FAF1: variants seen among roughly 807,000 people sequenced by gnomAD.
FAF1 encodes the protein FAS-associated factor 1.
FAF1 carries 25 observed loss-of-function variants against 92.5 expected under a neutral mutation model. That is an observed-to-expected ratio of 0.27 (90% CI 0.20 to 0.38). The LOEUF is 0.38. FAF1 is among the 10% of genes least tolerant of loss of function. The pLI is 1.00. For synonymous variants in FAF1, 234 were observed against 273.2 expected (o/e 0.86, Z 1.42); for missense variants, 636 against 793.3 (o/e 0.80, Z 2.38).
At chr1:50,571,912 A>G (rs1241114730) in intron 12 of FAF1, among the ~76,000 whole-genome samples, 1 of 152,240 alleles carries the variant, frequency 6.6e-6, no homozygotes, top group African/African-American at 2.4e-5. Context: ...TGAGTACCAG[A>G]ATATCCATAA....
At chr1:50,604,135 T>G (rs1652269797) in intron 8 of FAF1, among the ~76,000 whole-genome samples, 1 of 152,166 alleles carries the variant, frequency 6.6e-6, no homozygotes, top group African/African-American at 2.4e-5. Flanking sequence ...GATACTAGAT[T>G]TGGAAGAGTC....
intron 4 of FAF1, among the ~76,000 whole-genome samples, chr1:50,756,730 C>G (rs949883555): frequency 1.3e-5 from 2 of 152,160 alleles, no homozygotes; most frequent in African/African-American, 4.8e-5. Flanking sequence ...TGCTGGAAGG[C>G]AAGGTGGAGC....
chr1:50,488,255 T>C (rs1242740999), intron 17 of FAF1, among the ~76,000 whole-genome samples: 1 of 152,214 alleles, frequency 6.6e-6, no homozygotes, highest in Non-Finnish European at 1.5e-5. Flanking sequence ...TGTTAACAGC[T>C]GGAATGCATA....
intron 2 of FAF1, among the ~76,000 whole-genome samples, chr1:50,836,116 C>T (rs1441132585): frequency 6.8e-6 from 1 of 146,776 alleles, no homozygotes; most frequent in Non-Finnish European, 1.5e-5. Context: ...AATACTCTCT[C>T]TGTATGTAGT....
chr1:50,601,746 T>C (rs535137179), intron 8 of FAF1, among the ~76,000 whole-genome samples: 1 of 151,024 alleles, frequency 6.6e-6, no homozygotes, highest in East Asian at 1.9e-4. Context: ...ACACATATAT[T>C]CATATATACA....
intron 2 of FAF1, among the ~76,000 whole-genome samples, chr1:50,822,717 G>A (rs1240501520): frequency 6.6e-6 from 1 of 151,006 alleles, no homozygotes; most frequent in South Asian, 2.1e-4. Flanking sequence ...CAACAGAAAT[G>A]TCTAAAGGCT....
At chr1:50,858,202 GA>G (rs1047187307) in intron 1 of FAF1, among the ~76,000 whole-genome samples, 2 of 151,582 alleles carry the variant, frequency 1.3e-5, no homozygotes, top group East Asian at 3.9e-4. Context: ...ACATTGCTCT[GA>G]AAAAAAGACA....
intron 6 of FAF1, among the ~76,000 whole-genome samples, chr1:50,737,222 C>T (rs1424424239): frequency 1.3e-5 from 2 of 152,178 alleles, no homozygotes; most frequent in Non-Finnish European, 2.9e-5. Context: ...CACTGCATTT[C>T]AGCAGCACTG....
chr1:50,860,038 T>C (rs1227773340), intron 1 of FAF1, among the ~76,000 whole-genome samples: 5 of 151,874 alleles, frequency 3.3e-5, no homozygotes, highest in Non-Finnish European at 7.4e-5. Flanking sequence ...AGTGCTGGGA[T>C]AGCTGGCTAC....
At chr1:50,479,920 T>C (rs1359405448) in intron 17 of FAF1, among the ~76,000 whole-genome samples, 2 of 152,068 alleles carry the variant, frequency 1.3e-5, no homozygotes, top group East Asian at 3.9e-4. Context: ...CAAAAATACA[T>C]CAGTAGTTCA....
chr1:50,549,336 T>C (rs1649179848), intron 13 of FAF1, among the ~76,000 whole-genome samples: 1 of 152,056 alleles, frequency 6.6e-6, no homozygotes, highest in African/African-American at 2.4e-5. Context: ...AGGGGTGGGG[T>C]CTCACTCTGT....
rs541362268 is a variant in FAF1, at chr1:50,541,058, T to C, written c.1269-1330A>G. Among the ~76,000 whole-genome samples the C allele has an allele frequency of 3.3e-5, 5 of 152,318 alleles. 1 individual carries two copies. The East Asian group carries it at 9.6e-4, about 29-fold the overall frequency. ...AATCTATTTGAAAAGACAAACGGCA[T>C]TAAAATGTCATGTGTTCACATTCAT... is the stretch of plus-strand genomic sequence containing the variant. On this transcript the variant is annotated intron_variant, in intron 13 of 18. Coordinates refer to ENST00000396153, the MANE Select transcript of FAF1 (RefSeq NM_007051.3).
chr1:50,690,471 C>A (rs750807246), intron 7 of FAF1, among the ~76,000 whole-genome samples: 11 of 151,972 alleles, frequency 7.2e-5, no homozygotes, highest in Non-Finnish European at 1.6e-4. Context: ...TGTGGTGGCA[C>A]ACGTCTGTAA....
intron 1 of FAF1, among the ~76,000 whole-genome samples, chr1:50,884,007 C>T (rs1411079943): frequency 6.6e-6 from 1 of 152,020 alleles, no homozygotes; most frequent in Non-Finnish European, 1.5e-5. Context: ...CACCTCTAAT[C>T]CCAGCTACTC....
At chr1:50,937,593 A>T (rs1557596409) in intron 1 of FAF1, among the ~76,000 whole-genome samples, 1 of 152,150 alleles carries the variant, frequency 6.6e-6, no homozygotes, top group African/African-American at 2.4e-5. Context: ...TATGATTCTC[A>T]TGGTTTTACC....
intron 15 of FAF1, among the ~76,000 whole-genome samples, chr1:50,500,312 A>G (rs1202208192): frequency 1.3e-5 from 2 of 152,166 alleles, no homozygotes; most frequent in Non-Finnish European, 2.9e-5. Flanking sequence ...TGTTGTAAAG[A>G]CAGAAAAAAA....
intron 7 of FAF1, among the ~76,000 whole-genome samples, chr1:50,662,977 G>GT (rs1161111162): frequency 6.6e-6 from 1 of 151,578 alleles, no homozygotes; most frequent in Non-Finnish European, 1.5e-5. Flanking sequence ...GATTACAGGC[G>GT]TAAGCCACCA....
intron 8 of FAF1, among the ~76,000 whole-genome samples, chr1:50,629,194 T>C (rs1433814006): frequency 6.7e-6 from 1 of 150,070 alleles, no homozygotes; most frequent in Non-Finnish European, 1.5e-5. Context: ...AGACGGAGTT[T>C]CACTCTTTCT....
At chr1:50,615,538 T>C (rs1392993358) in intron 8 of FAF1, among the ~76,000 whole-genome samples, 3 of 152,244 alleles carry the variant, frequency 2.0e-5, no homozygotes, top group Non-Finnish European at 4.4e-5. Context: ...CAGCATCTAC[T>C]GTTTTCTGAC....
Sources: gnomAD v4.1 joint callset for allele counts (sites outside exome capture counted in the v4.1 genomes callset) on GRCh38, gnomAD v4.1.1 for gene constraint, MANE v1.5 for transcripts, NCBI Gene and HGNC (gene_info 2026-07-23, HGNC 2026-07-21) for gene names.